CLYBL: variants seen among roughly 807,000 people sequenced by gnomAD.
CLYBL encodes citramalyl-CoA lyase, also known as citramalyl-CoA lyase, mitochondrial.
CLYBL carries 31 observed loss-of-function variants against 38.9 expected under a neutral mutation model. The ratio of observed to expected loss-of-function variants is 0.80; its 90% CI spans 0.60 to 1.08. The LOEUF is 1.08. Ranked by LOEUF, CLYBL falls within the 50% of genes least tolerant of loss-of-function variation. The pLI is 0.00. For synonymous variants in CLYBL, 171 were observed against 158.6 expected (o/e 1.08, Z -0.59); for missense variants, 434 against 411.6 (o/e 1.05, Z -0.47).
At chr13:99,833,939 A>T (rs970862742) in intron 2 of CLYBL, among the ~76,000 whole-genome samples, 2 of 151,930 alleles carry the variant, frequency 1.3e-5, no homozygotes, top group Non-Finnish European at 2.9e-5. Context: ...TGATATCGTG[A>T]TCTGCCCACC....
At chr13:99,644,104 T>A (rs1208832529) in intron 1 of CLYBL, among the ~76,000 whole-genome samples, 2 of 143,372 alleles carry the variant, frequency 1.4e-5, no homozygotes, top group Non-Finnish European at 3.1e-5. Context: ...GTTTTTTATA[T>A]GTGGTGTATG....
chr13:99,659,987 A>G (rs2047386201), intron 1 of CLYBL, among the ~76,000 whole-genome samples: 1 of 152,184 alleles, frequency 6.6e-6, no homozygotes, highest in African/African-American at 2.4e-5. Context: ...CGCATTTTTA[A>G]AAAAACTTCC....
chr13:99,803,979 C>T (rs990737710), intron 2 of CLYBL, among the ~76,000 whole-genome samples: 1 of 152,178 alleles, frequency 6.6e-6, no homozygotes, highest in African/African-American at 2.4e-5. Flanking sequence ...GAACAAGAAA[C>T]AGCGGAAGAT....
intron 1 of CLYBL, among the ~76,000 whole-genome samples, chr13:99,631,749 C>T (rs1163313470): frequency 6.6e-6 from 1 of 152,066 alleles, no homozygotes; most frequent in Non-Finnish European, 1.5e-5. Context: ...CAGGCACGCA[C>T]CACCACGCCC....
At chr13:99,643,430 A>G (rs547848082) in intron 1 of CLYBL, among the ~76,000 whole-genome samples, 5 of 152,242 alleles carry the variant, frequency 3.3e-5, no homozygotes, top group African/African-American at 1.2e-4. Context: ...TGCATTTTCA[A>G]CCAGTTAGAA....
intron 1 of CLYBL, among the ~76,000 whole-genome samples, chr13:99,770,378 C>T (rs1454988724): frequency 6.6e-6 from 1 of 152,014 alleles, no homozygotes; most frequent in Non-Finnish European, 1.5e-5. Context: ...AGTACAGTGG[C>T]GCAATCTTGG....
chr13:99,824,187 T>C (rs1188847404), intron 2 of CLYBL, among the ~76,000 whole-genome samples: 1 of 152,092 alleles, frequency 6.6e-6, no homozygotes. Context: ...TCCGGAATGG[T>C]TGGAATTCTA....
At chr13:99,629,407 G>A (rs1357271497) in intron 1 of CLYBL, among the ~76,000 whole-genome samples, 1 of 152,194 alleles carries the variant, frequency 6.6e-6, no homozygotes, top group Non-Finnish European at 1.5e-5. Context: ...CCCTCCTCCA[G>A]GTTTTAGACA....
intron 1 of CLYBL, among the ~76,000 whole-genome samples, chr13:99,770,584 T>A (rs1194332863): frequency 6.7e-6 from 1 of 150,056 alleles, no homozygotes; most frequent in East Asian, 2.0e-4. Flanking sequence ...CCCAAAGTGC[T>A]AGGATTACAG....
downstream of CLYBL, among the ~76,000 whole-genome samples, chr13:99,901,646 T>G (rs1465997498): frequency 8.2e-4 from 12 of 14,582 alleles, no homozygotes; most frequent in Admixed American, 5.1e-3. Context: ...GATTTTTTTG[T>G]TTTTTTTTTT....
At chr13:99,844,130 AAC>A (rs34164966) in intron 2 of CLYBL, among the ~76,000 whole-genome samples, 4,537 of 152,290 alleles carry the variant, frequency 0.03, 147 homozygotes, top group East Asian at 0.071. Flanking sequence ...CAGAAAACAA[AAC>A]AGTTTATTAC....
At chr13:99,898,036 A>G (rs1020539682), downstream of CLYBL, among the ~76,000 whole-genome samples, 10 of 152,236 alleles carry the variant, frequency 6.6e-5, no homozygotes, top group African/African-American at 1.7e-4. Context: ...CTTTCATTAC[A>G]TAAATAAAGG....
chr13:99,707,426 C>G (rs1052646913), intron 1 of CLYBL, among the ~76,000 whole-genome samples: 1 of 152,004 alleles, frequency 6.6e-6, no homozygotes, highest in African/African-American at 2.4e-5. Flanking sequence ...TGCGCCACCA[C>G]GCCCGGCTAA....
chr13:99,832,780 A>G (rs2050831619), intron 2 of CLYBL, among the ~76,000 whole-genome samples: 1 of 151,516 alleles, frequency 6.6e-6, no homozygotes, highest in Non-Finnish European at 1.5e-5. Flanking sequence ...TAATGGATCC[A>G]TAGGACCACC....
chr13:99,610,783 G>C (rs937128070), intron 1 of CLYBL, among the ~76,000 whole-genome samples: 2 of 152,170 alleles, frequency 1.3e-5, no homozygotes, highest in African/African-American at 4.8e-5. Flanking sequence ...CAACTTTTCA[G>C]AGCTCTCTAT....
chr13:99,904,287 C>A (rs2052671951), intron 8 of CLYBL, among the ~76,000 whole-genome samples: 1 of 152,218 alleles, frequency 6.6e-6, no homozygotes, highest in Non-Finnish European at 1.5e-5. Flanking sequence ...CCAGACAGAA[C>A]TCCCAGACCT....
chr13:99,835,158 T>C (rs2050906192), intron 2 of CLYBL, among the ~76,000 whole-genome samples: 1 of 152,220 alleles, frequency 6.6e-6, no homozygotes, highest in Non-Finnish European at 1.5e-5. Flanking sequence ...GCCTCTACCC[T>C]CTATGAGCGG....
chr13:99,886,939 T>A (rs1380518781), intron 7 of CLYBL, among the ~76,000 whole-genome samples: 1 of 152,202 alleles, frequency 6.6e-6, no homozygotes, highest in Non-Finnish European at 1.5e-5. Context: ...AGGGAGCTGC[T>A]CGGTCCATAC....
chr13:99,736,938 C>T (rs1185552571), intron 1 of CLYBL, among the ~76,000 whole-genome samples: 5 of 152,110 alleles, frequency 3.3e-5, no homozygotes, highest in African/African-American at 1.2e-4. Flanking sequence ...CAATGAAATA[C>T]TGACTAAAAA....
Sources: allele counts gnomAD v4.1 joint callset (sites outside exome capture counted in the v4.1 genomes callset), GRCh38; gene constraint gnomAD v4.1.1; transcripts MANE v1.5; gene names NCBI Gene and HGNC (gene_info 2026-07-23, HGNC 2026-07-21).